PALS2: variants seen among roughly 807,000 people sequenced by gnomAD.
PALS2 encodes the protein protein PALS2.
A neutral mutation model predicts 61.6 loss-of-function variants in PALS2; 27 were observed. The ratio of observed to expected loss-of-function variants is 0.44; its 90% CI spans 0.32 to 0.60. The LOEUF is 0.60. Among genes scored for constraint, PALS2 ranks in the 20% least tolerant of loss-of-function variants. PALS2 has a pLI of 0.05. For missense variants in PALS2, 554 were observed against 639.4 expected (o/e 0.87, Z 1.44); for synonymous variants, 236 against 218.6 (o/e 1.08, Z -0.70).
intron 8 of PALS2, among the ~76,000 whole-genome samples, chr7:24,667,821 C>T (rs1787107433): frequency 6.6e-6 from 1 of 151,826 alleles, no homozygotes; most frequent in South Asian, 2.1e-4. Flanking sequence ...CACACCACCA[C>T]GCCTAGCTAA....
chr7:24,624,907 CAG>C, intron 2 of PALS2, among the ~76,000 whole-genome samples: 1 of 152,184 alleles, frequency 6.6e-6, no homozygotes, highest in Non-Finnish European at 1.5e-5. Flanking sequence ...GCCAATGATA[CAG>C]AGTCTTCATT....
chr7:24,580,686 A>G (rs1040912950), intron 1 of PALS2, among the ~76,000 whole-genome samples: 6 of 152,160 alleles, frequency 3.9e-5, no homozygotes, highest in Non-Finnish European at 7.3e-5. Context: ...TGGCAAGTAC[A>G]CTCATCACAT....
chr7:24,595,132 G>A lies in PALS2; in HGVS notation c.-3+21539G>A, dbSNP rs144416645. 3.6e-4 allele frequency among the ~76,000 whole-genome samples: 55 copies of A among 151,906 alleles called. 1 individual carries two copies. Among genetic ancestry groups the A allele is most frequent in the Middle Eastern group, 3.4e-3 (1 of 294 alleles). ...AGTGACAGTGGAGATAGAGAAAATG[G>A]GATAGTATTTGAGAAATATGCCAAG... On this transcript the variant is annotated intron_variant, in intron 1 of 11. Transcript: ENST00000222644.
intron 1 of PALS2, among the ~76,000 whole-genome samples, chr7:24,598,910 TGTG>T (rs1267919707): frequency 6.6e-6 from 1 of 152,252 alleles, no homozygotes; most frequent in Non-Finnish European, 1.5e-5. Context: ...AAATGTTTTT[TGTG>T]CTTATTTTTA....
At chr7:24,648,274 G>A (rs118140149) in intron 3 of PALS2, among the ~76,000 whole-genome samples, 2,410 of 149,872 alleles carry the variant, frequency 0.016, 34 homozygotes, top group Non-Finnish European at 0.024. Context: ...ATGCACAGTT[G>A]CAGTAAAAAT....
chr7:24,628,285 A>C (rs955957534), intron 2 of PALS2, among the ~76,000 whole-genome samples: 1 of 152,226 alleles, frequency 6.6e-6, no homozygotes, highest in Non-Finnish European at 1.5e-5. Flanking sequence ...ATCTTAATAG[A>C]TGCAGAAAAG....
intron 9 of PALS2, among the ~76,000 whole-genome samples, chr7:24,674,965 A>C (rs1583993710): frequency 6.6e-6 from 1 of 152,318 alleles, no homozygotes; most frequent in Non-Finnish European, 1.5e-5. Context: ...TTACTTCTAA[A>C]AAATCACATT....
At position 24,688,869 on chromosome 7, in the gene PALS2, A is replaced by G. The variant is rs1788336991; in HGVS notation, c.*1255A>G. On this transcript the variant is annotated 3_prime_UTR_variant, in exon 12 of 12. Transcript: ENST00000222644. ...CTCTCTGTCACCCATGCTGGAGTAC[A>G]GTGGCGCGATCTCAGCCCGCTGCAA... is the stretch of plus-strand genomic sequence containing the variant. The G allele has an allele frequency of 6.6e-6, 1 of 152,002 alleles. No individual in the cohort carries two copies. Among genetic ancestry groups the G allele is most frequent in the African/African-American group, 2.4e-5 (1 of 41,378 alleles). 9.4% of individuals were successfully genotyped at this position (152,002 alleles called of 1,614,324 possible).
chr7:24,634,680 C>T (rs772519060), intron 2 of PALS2, among the ~76,000 whole-genome samples: 5 of 152,154 alleles, frequency 3.3e-5, no homozygotes, highest in Non-Finnish European at 5.9e-5. Flanking sequence ...ATAGTTTTAG[C>T]TCTTACATTT....
At chr7:24,592,247 G>T (rs1466080781) in intron 1 of PALS2, among the ~76,000 whole-genome samples, 1 of 152,098 alleles carries the variant, frequency 6.6e-6, no homozygotes, top group Non-Finnish European at 1.5e-5. Context: ...GTATAATGTG[G>T]TAAGTGCTGT....
chr7:24,625,824 A>G (rs1354749026), intron 2 of PALS2, among the ~76,000 whole-genome samples: 2 of 152,202 alleles, frequency 1.3e-5, no homozygotes, highest in Admixed American at 6.5e-5. Flanking sequence ...CAGATTCTTA[A>G]TAAGGAAAAA....
At chr7:24,653,546 C>A (rs969111227) in intron 5 of PALS2, among the ~76,000 whole-genome samples, 2 of 152,108 alleles carry the variant, frequency 1.3e-5, no homozygotes, top group Admixed American at 1.3e-4. Flanking sequence ...CACGAAATTC[C>A]ACTTTCGTTT....
At chr7:24,626,541 A>G (rs938380794) in intron 2 of PALS2, among the ~76,000 whole-genome samples, 1 of 152,162 alleles carries the variant, frequency 6.6e-6, no homozygotes, top group Non-Finnish European at 1.5e-5. Context: ...TTAACCTTAG[A>G]TGTAAATGGC....
Position 24,688,325 on chromosome 7 carries a change from T to C in PALS2, c.*711T>C, listed in dbSNP as rs1487023504. 1 of 152,248 alleles carries C rather than the reference T, an allele frequency of 6.6e-6. No individual in the cohort carries two copies. Among genetic ancestry groups the C allele is most frequent in the Non-Finnish European group, 1.5e-5 (1 of 68,044 alleles). The allele number at this position is 152,248 out of a possible 1,614,324, so 9.4% of individuals were successfully genotyped here. On this transcript the variant is annotated 3_prime_UTR_variant, in exon 12 of 12. Coordinates refer to ENST00000222644, the MANE Select transcript of PALS2 (RefSeq NM_001303037.2). ...ATTCTTTTTATTTGTTGCAGTGATA[T>C]GATGCTAACTAATTTAACATGTACA...
rs1327000093 is a variant in PALS2, at chr7:24,680,381, CT to C, written c.1318-7del. The C allele has an allele frequency of 6.2e-7, 1 of 1,608,606 alleles. No homozygotes were observed. The highest frequency in any genetic ancestry group is 1.3e-5 in the African/African-American group (1 of 74,754). On this transcript the variant is annotated splice_polypyrimidine_tract_variant and intron_variant, in intron 10 of 11. Coordinates refer to ENST00000222644, the MANE Select transcript of PALS2 (RefSeq NM_001303037.2). ...TTGTATAAATTGGCTTATAATTATT[CT>C]TTTACACAGGCACTGAAAGTATTGA...
chr7:24,645,421 A>G (rs1239462875), intron 3 of PALS2, among the ~76,000 whole-genome samples: 2 of 152,122 alleles, frequency 1.3e-5, no homozygotes, highest in African/African-American at 4.8e-5. Flanking sequence ...AAGATCAGAT[A>G]GTCATAGATG....
rs1415156697 is a variant in PALS2 at position 24,687,961 on chromosome 7, A to G, written c.*347A>G. On this transcript the variant is annotated 3_prime_UTR_variant, in exon 12 of 12. Coordinates refer to ENST00000222644, the MANE Select transcript of PALS2 (RefSeq NM_001303037.2). The surrounding 1 kb of genome is among the most constrained non-coding windows in gnomAD (Gnocchi z 4.5). ...TCATTCACTCTAACATTGGTCTCAT[A>G]TTTTCACTGTGATAATGAATATTAC... is the stretch of plus-strand genomic sequence containing the variant. 1.2e-5 allele frequency: 2 copies of G among 164,986 alleles called. No individual in the cohort carries two copies. Among genetic ancestry groups the G allele is most frequent in the South Asian group, 2.0e-4 (1 of 5,040 alleles). The allele number at this position is 164,986 out of a possible 1,614,324, so 10.2% of individuals were successfully genotyped here. A position where few individuals can be genotyped will look rare whatever the true frequency, so the allele number is the denominator to read the frequency against.
At chr7:24,654,605 C>T (rs569531860) in intron 5 of PALS2, among the ~76,000 whole-genome samples, 1 of 152,184 alleles carries the variant, frequency 6.6e-6, no homozygotes, top group South Asian at 2.1e-4. Context: ...TGAAGAGGAT[C>T]TAAATAAGCA....
rs531872323 is a variant in PALS2 at position 24,677,805 on chromosome 7, C to A, written c.1115-1326C>A. 9.3e-4 allele frequency among the ~76,000 whole-genome samples: 142 copies of A among 152,258 alleles called. 1 individual carries two copies. The South Asian group carries it at 0.017, about 18-fold the overall frequency. On this transcript the variant is annotated intron_variant, in intron 9 of 11. Coordinates refer to ENST00000222644, the MANE Select transcript of PALS2 (RefSeq NM_001303037.2). ...AAAGATACTTTATAAATACTCTTCA[C>A]AGTAGTCTAAGACGACCACTCTCAA...
Sources: allele counts gnomAD v4.1 joint callset (sites outside exome capture counted in the v4.1 genomes callset), GRCh38; gene constraint gnomAD v4.1.1; non-coding constraint Gnocchi (gnomAD v3.1); transcripts MANE v1.5; gene names NCBI Gene and HGNC (gene_info 2026-07-23, HGNC 2026-07-21).